The following STARD7 variants were observed in gnomAD, a reference collection of about 807,000 sequenced individuals.
STARD7 encodes StAR related lipid transfer domain containing 7.
In STARD7, 30 loss-of-function variants were observed where a neutral mutation model predicts 45.3. The observed-to-expected ratio is 0.66, with a 90% CI of 0.50 to 0.90. The LOEUF (loss-of-function observed/expected upper bound fraction) is 0.90. Ranked by LOEUF, STARD7 falls within the 40% of genes least tolerant of loss-of-function variation. The probability of loss-of-function intolerance (pLI) is 0.00; values close to 1 mark genes in which losing one functional copy is unlikely to be tolerated. For synonymous variants in STARD7, 199 were observed against 183.0 expected (o/e 1.09, Z -0.70); for missense variants, 495 against 491.3 (o/e 1.01, Z -0.07).
intron 1 of STARD7, among the ~76,000 whole-genome samples, chr2:96,204,293 G>T (rs2104205929): frequency 6.6e-6 from 1 of 150,790 alleles, no homozygotes; most frequent in South Asian, 2.1e-4. Flanking sequence ...GATGTCTCAT[G>T]CCTGTAATCC....
intron 1 of STARD7, among the ~76,000 whole-genome samples, chr2:96,199,023 T>G (rs1312982051): frequency 2.0e-5 from 3 of 152,220 alleles, no homozygotes; most frequent in African/African-American, 7.2e-5. Flanking sequence ...CTCAATTTTA[T>G]TCTAACAATC....
intron 6 of STARD7, among the ~76,000 whole-genome samples, chr2:96,190,160 A>G (rs550971505): frequency 9.2e-5 from 14 of 152,282 alleles, no homozygotes; most frequent in Non-Finnish European, 1.9e-4. Context: ...GTGTAAAACT[A>G]AAAATATACA....
At chr2:96,187,120 A>G in intron 7 of STARD7, 97 bp downstream of exon 7, 1 of 1,017,966 alleles carries the variant, frequency 9.8e-7, no homozygotes, top group Non-Finnish European at 1.4e-6. Context: ...AAAAAAAAAG[A>G]AGAACCAGAA....
rs1683353908 is a variant in STARD7 at position 96,204,325 on chromosome 2, C to G, written c.290+3820G>C. On this transcript the variant is annotated intron_variant, in intron 1 of 7. Coordinates refer to ENST00000337288, the MANE Select transcript of STARD7 (RefSeq NM_020151.4). Reference sequence around the variant, plus strand: ...ATCCCAACTCTTTGGGAGGCCGAGACAGGCGGATCACGAGGTCAAGAGCTG... The same window carrying G: ...ATCCCAACTCTTTGGGAGGCCGAGAGAGGCGGATCACGAGGTCAAGAGCTG... Among the ~76,000 whole-genome samples, 3 of 151,802 alleles carry G rather than the reference C, an allele frequency of 2.0e-5. No individual in the cohort carries two copies. The South Asian group carries it at 6.2e-4, about 32-fold the overall frequency.
chr2:96,191,236 T>A (rs1407516423), intron 6 of STARD7, among the ~76,000 whole-genome samples: 1 of 152,154 alleles, frequency 6.6e-6, no homozygotes, highest in African/African-American at 2.4e-5. Context: ...TCTCCTACAG[T>A]AAAGCTAGAA....
In STARD7 at chr2:96,208,142, C is replaced by T; in HGVS notation, c.290+3G>A. ...CCCAGAAAGAGCTCGCCGCAGCGCC[C>T]ACCTCTGCAACTCCTCCTCCTGGAT... On this transcript the variant is annotated splice_donor_region_variant and intron_variant, in intron 1 of 7. Transcript: ENST00000337288. 1 of 1,556,100 alleles carries T rather than the reference C, an allele frequency of 6.4e-7. No individual in the cohort carries two copies. Among genetic ancestry groups the T allele is most frequent in the Non-Finnish European group, 8.7e-7 (1 of 1,151,794 alleles).
Position 96,208,345 on chromosome 2 carries a change from G to A in STARD7, c.90C>T (p.Val30=), listed in dbSNP as rs1683436878. The change falls in exon 1 of 8, where the codon GTC becomes GTT. Residue 30 remains valine (V), a synonymous_variant. Coordinates refer to ENST00000337288, the MANE Select transcript of STARD7 (RefSeq NM_020151.4). ...LALLANQCRF[V]TGLRVRRAQQ... is the part of the protein sequence containing the mutation. ...GCGCGCGCCGCACGCGCAGGCCCGT[G>A]ACGAAGCGGCACTGATTGGCCAGAA... 6.3e-6 allele frequency: 10 copies of A among 1,597,620 alleles called. No individual in the cohort carries two copies. The highest frequency in any genetic ancestry group is 1.3e-5 in the African/African-American group (1 of 74,596).
At chr2:96,194,884 G>A in intron 3 of STARD7, 74 bp downstream of exon 3, 1 of 1,274,550 alleles carries the variant, frequency 7.8e-7, no homozygotes. Context: ...ACCTGAGTCA[G>A]ATAAATGATT....
rs141619739 is a variant in STARD7, at chr2:96,195,431, T to C, written c.409A>G (p.Lys137Glu). 6.2e-7 allele frequency: 1 copy of C among 1,612,950 alleles called. No individual in the cohort carries two copies. The highest frequency in any genetic ancestry group is 8.5e-7 in the Non-Finnish European group (1 of 1,179,492). The change falls in exon 2 of 8, where the codon AAA (lysine) becomes GAA (glutamate). Residue 137 changes from lysine (K) to glutamate (E), a missense_variant. Lys to Glu is a moderately conservative substitution (Grantham distance 56). Coordinates refer to ENST00000337288, the MANE Select transcript of STARD7 (RefSeq NM_020151.4). ...ATCACCATTTCCCAACGTTGCTCTT[T>C]GCCCTCTGAATCTTCATTCCCTTCT... ...QTEGNEDSEG[K>E]EQRWEMVMDK...
intron 1 of STARD7, among the ~76,000 whole-genome samples, chr2:96,206,800 C>CAA (rs61417989): frequency 0.054 from 2,600 of 48,382 alleles, 128 homozygotes; most frequent in Non-Finnish European, 0.062. Flanking sequence ...GACTCCGTCT[C>CAA]AAAAAAAAAA....
chr2:96,185,381 C>A lies in STARD7; in HGVS notation c.*1349G>T, dbSNP rs11164062. 0.8 allele frequency: 120,340 copies of A among 151,204 alleles called. 48,385 individuals carry two copies. Among genetic ancestry groups the A allele is most frequent in the African/African-American group, 0.95 (39,225 of 41,416 alleles). 9.4% of individuals were successfully genotyped at this position (151,204 alleles called of 1,614,324 possible). ...CACAAAACAGTAGCAAGCAGGAAAA[C>A]AAAAACAAAAACAAAAACAAAAACT... On this transcript the variant is annotated 3_prime_UTR_variant, in exon 8 of 8. Coordinates refer to ENST00000337288, the MANE Select transcript of STARD7 (RefSeq NM_020151.4).
intron 2 of STARD7, 32 bp downstream of exon 2, chr2:96,195,309 T>G (rs770730481): frequency 6.5e-7 from 1 of 1,528,518 alleles, no homozygotes; most frequent in Admixed American, 2.0e-5. Flanking sequence ...TGTGCAACTA[T>G]GGAACCCAAA....
Position 96,186,651 on chromosome 2 carries a change from A to G in STARD7, c.*79T>C, listed in dbSNP as rs1183733831. ...GCAGATGCCTTCTAATACATGTGGC[A>G]TGTCCCCCTTCTACAGCAGAGTGAT... On this transcript the variant is annotated 3_prime_UTR_variant, in exon 8 of 8. Coordinates refer to ENST00000337288, the MANE Select transcript of STARD7 (RefSeq NM_020151.4). 7.2e-6 allele frequency: 8 copies of G among 1,117,050 alleles called. No individual in the cohort carries two copies. Among genetic ancestry groups the G allele is most frequent in the Non-Finnish European group, 1.0e-5 (8 of 792,640 alleles). The allele number at this position is 1,117,050 out of a possible 1,614,324, so 69.2% of individuals were successfully genotyped here. A position where few individuals can be genotyped will look rare whatever the true frequency, so the allele number is the denominator to read the frequency against.
Position 96,195,435 on chromosome 2 carries a change from C to CTCTGAATCTTCATTCCCT in STARD7, c.387_404dup (p.Asn131_Gly136dup). 1 of 1,613,098 alleles carries CTCTGAATCTTCATTCCCT rather than the reference C, an allele frequency of 6.2e-7. No individual in the cohort carries two copies. The highest frequency in any genetic ancestry group is 8.5e-7 in the Non-Finnish European group (1 of 1,179,584). On this transcript the variant is annotated inframe_insertion, in exon 2 of 8. Coordinates refer to ENST00000337288, the MANE Select transcript of STARD7 (RefSeq NM_020151.4). ...CCATTTCCCAACGTTGCTCTTTGCCCTCTGAATCTTCATTCCCTTCTGTTT... is the reference window on the plus strand; with the variant it reads ...CCATTTCCCAACGTTGCTCTTTGCCCTCTGAATCTTCATTCCCTTCTGAATCTTCATTCCCTTCTGTTT...
At chr2:96,191,034 ACACGCCTATAATCC>A (rs1463756677) in intron 6 of STARD7, among the ~76,000 whole-genome samples, 2 of 152,136 alleles carry the variant, frequency 1.3e-5, no homozygotes, top group African/African-American at 4.8e-5. Flanking sequence ...ACATGTTGGC[ACACGCCTATAATCC>A]CAGCTCCTCA....
In STARD7 at chr2:96,186,751, A is replaced by T. The variant is rs903146372; in HGVS notation, c.1092T>A (p.Pro364=). The change falls in exon 8 of 8, where the codon CCT becomes CCA. Residue 364 remains proline (P), a synonymous_variant. Transcript: ENST00000337288. ...SERKNEGSCG[P]ARIEYA ...CCTGTCAAGCATACTCAATCCGAGCAGGGCCACAGCTGCCCTCGTTCTTTC... is the reference window on the plus strand; with the variant it reads ...CCTGTCAAGCATACTCAATCCGAGCTGGGCCACAGCTGCCCTCGTTCTTTC... 5.0e-6 allele frequency: 8 copies of T among 1,612,010 alleles called. No homozygotes were observed. In the African/African-American group the frequency reaches 9.3e-5, roughly 19 times the overall value.
Position 96,195,498 on chromosome 2 carries a change from G to C in STARD7, c.342C>G (p.Ser114Arg). The C allele has an allele frequency of 6.2e-7, 1 of 1,613,806 alleles. No homozygotes were observed. Among genetic ancestry groups the C allele is most frequent in the Non-Finnish European group, 8.5e-7 (1 of 1,179,826 alleles). Reference protein sequence around the residue: ...RLEEMSNMFQSSGVQHHPPEP... With the variant: ...RLEEMSNMFQRSGVQHHPPEP... ...CTGGAGGGTGGTGCTGGACTCCAGA[G>C]CTCTGAAACATATTTGACATTTCTT... Residue 114 changes from serine to arginine, a missense_variant, in exon 2 of 8, where the codon AGC becomes AGG. Physicochemically the swap from Ser to Arg is moderately radical, Grantham distance 110. This residue lies in a region of STARD7 where 282 missense variants were observed against 220.1 expected (regional missense o/e 1.28). Coordinates refer to ENST00000337288, the MANE Select transcript of STARD7 (RefSeq NM_020151.4).
Position 96,193,102 on chromosome 2 carries a change from T to C in STARD7, c.719A>G (p.Asn240Ser). The C allele has an allele frequency of 1.2e-6, 2 of 1,613,472 alleles. No homozygotes were observed. Among genetic ancestry groups the C allele is most frequent in the East Asian group, 2.2e-5 (1 of 44,882 alleles). Residue 240 changes from asparagine to serine, a missense_variant, in exon 5 of 8, where the codon AAC (asparagine) becomes AGC (serine). Physicochemically the swap from Asn to Ser is conservative, Grantham distance 46. Around this residue, in one of 2 missense-constraint regions of STARD7, gnomAD observed 213 missense variants for 271.2 expected, o/e 0.79. Coordinates refer to ENST00000337288, the MANE Select transcript of STARD7 (RefSeq NM_020151.4). ...CCGCGACACCAACACCATCATGTTG[T>C]TTTCCTGATCCACACTATACCGCCG... ...YVRRYSVDQE[N>S]NMMVLVSRAV...
At position 96,208,789 on chromosome 2, in the gene STARD7, C is replaced by T. The variant is rs752414993; in HGVS notation, c.-355G>A. The T allele has an allele frequency of 1.4e-4, 58 of 403,440 alleles. No homozygotes were observed. In the East Asian group the frequency reaches 1.8e-3, roughly 13 times the overall value. 25.0% of individuals were successfully genotyped at this position (403,440 alleles called of 1,614,324 possible). ...AGAAACGAGACAGACAGCTCAGGCC[C>T]AGCAGCACGCAAGCTCCCGCGCCTT... On this transcript the variant is annotated 5_prime_UTR_variant, in exon 1 of 8. Coordinates refer to ENST00000337288, the MANE Select transcript of STARD7 (RefSeq NM_020151.4).
Sources: gnomAD v4.1 joint callset for allele counts (sites outside exome capture counted in the v4.1 genomes callset) on GRCh38, gnomAD v4.1.1 for gene constraint, gnomAD v4.1.1 regional missense constraint, MANE v1.5 for transcripts, NCBI Gene and HGNC (gene_info 2026-07-23, HGNC 2026-07-21) for gene names.